NUAK1: variants seen among roughly 807,000 people sequenced by gnomAD.
NUAK1 encodes the protein NUAK family kinase 1, also known as NUAK family SNF1-like kinase 1.
NUAK1 carries 26 observed loss-of-function variants against 56.9 expected under a neutral mutation model. The ratio of observed to expected loss-of-function variants is 0.46; its 90% CI spans 0.33 to 0.63. The LOEUF (loss-of-function observed/expected upper bound fraction) is 0.63, where lower values mean the gene tolerates loss of function less well. Ranked by LOEUF, NUAK1 falls within the 30% of genes least tolerant of loss-of-function variation. The pLI is 0.02. For synonymous variants in NUAK1, 337 were observed against 336.0 expected (o/e 1.00, Z -0.03); for missense variants, 727 against 876.1 (o/e 0.83, Z 2.15).
chr12:106,088,823 C>G (rs2032602476), intron 2 of NUAK1, among the ~76,000 whole-genome samples: 1 of 152,228 alleles, frequency 6.6e-6, no homozygotes, highest in South Asian at 2.1e-4. Context: ...GGAACCTACC[C>G]TAGGCCTGGG....
At chr12:106,123,898 T>C (rs1215606) in intron 1 of NUAK1, among the ~76,000 whole-genome samples, 96,694 of 152,102 alleles carry the variant, frequency 0.64, 30,907 homozygotes, top group African/African-American at 0.67. Context: ...GAGATTTCTT[T>C]GCTTCAAGCG....
intron 6 of NUAK1, 104 bp downstream of exon 6, chr12:106,070,669 CA>C (rs538737163): frequency 1.0e-4 from 145 of 1,412,062 alleles, no homozygotes; most frequent in Non-Finnish European, 1.4e-4. Context: ...AGAGGAAAAC[CA>C]GGTGACTCCA....
chr12:106,081,980 C>A (rs1004935488), intron 4 of NUAK1, among the ~76,000 whole-genome samples: 1 of 152,206 alleles, frequency 6.6e-6, no homozygotes. Context: ...CACCACTCCC[C>A]AGGACCTAGG....
In NUAK1 at chr12:106,063,806, A is replaced by G. The variant is rs925248684; in HGVS notation, c.*2996T>C. 1.3e-5 allele frequency: 2 copies of G among 152,324 alleles called. No individual in the cohort carries two copies. The highest frequency in any genetic ancestry group is 4.8e-5 in the African/African-American group (2 of 41,336). 9.4% of individuals were successfully genotyped at this position (152,324 alleles called of 1,614,324 possible). ...AACAAGCAGTCAGTCGATCATTCAC[A>G]TTTGTACTCAAGACAGCAGGCCTGG... On this transcript the variant is annotated 3_prime_UTR_variant, in exon 7 of 7. Transcript: ENST00000261402.
At chr12:106,083,747 G>A (rs2032542634) in intron 4 of NUAK1, 117 bp downstream of exon 4, 4 of 814,202 alleles carry the variant, frequency 4.9e-6, no homozygotes, top group Non-Finnish European at 6.3e-6. Flanking sequence ...TTCCCCACCA[G>A]CCTGCCAGGT....
rs2032337814 is a variant in NUAK1, at chr12:106,066,283, A to C, written c.*519T>G. 6.2e-6 allele frequency: 1 copy of C among 161,032 alleles called. No homozygotes were observed. The highest frequency in any genetic ancestry group is 1.4e-5 in the Non-Finnish European group (1 of 72,708). 10.0% of individuals were successfully genotyped at this position (161,032 alleles called of 1,614,324 possible). Reference sequence around the variant, plus strand: ...CCCCATGATGTGGGCCACTTACGCCAGCACAACTGGCAGCCACTATTAATT... The same window carrying C: ...CCCCATGATGTGGGCCACTTACGCCCGCACAACTGGCAGCCACTATTAATT... On this transcript the variant is annotated 3_prime_UTR_variant, in exon 7 of 7. Coordinates refer to ENST00000261402, the MANE Select transcript of NUAK1 (RefSeq NM_014840.3).
intron 2 of NUAK1, among the ~76,000 whole-genome samples, chr12:106,104,630 C>A (rs1485917643): frequency 6.6e-6 from 1 of 152,132 alleles, no homozygotes; most frequent in African/African-American, 2.4e-5. Context: ...CTAGCCCAGG[C>A]ACTTTGAGAA....
chr12:106,132,115 C>A (rs1441417524), intron 1 of NUAK1, among the ~76,000 whole-genome samples: 3 of 152,208 alleles, frequency 2.0e-5, no homozygotes, highest in South Asian at 2.1e-4. Context: ...ACCTGACAAA[C>A]CCTGGATATA....
chr12:106,068,711 A>T (rs2032370936), intron 6 of NUAK1, among the ~76,000 whole-genome samples: 2 of 152,252 alleles, frequency 1.3e-5, no homozygotes, highest in African/African-American at 4.8e-5. Flanking sequence ...CCCTAAAGGG[A>T]TGCTGAGAAG....
chr12:106,124,859 T>A (rs2033010637), intron 1 of NUAK1, among the ~76,000 whole-genome samples: 1 of 151,990 alleles, frequency 6.6e-6, no homozygotes, highest in African/African-American at 2.4e-5. Context: ...CAGCTAGGCA[T>A]GGTGGTGCAC....
Position 106,138,530 on chromosome 12 carries a change from C to T in NUAK1, c.124G>A (p.Val42Met), listed in dbSNP as rs1192593863. 2.5e-6 allele frequency: 4 copies of T among 1,612,880 alleles called. No individual in the cohort carries two copies. Among genetic ancestry groups the T allele is most frequent in the Non-Finnish European group, 3.4e-6 (4 of 1,179,788 alleles). Residue 42 changes from valine (V) to methionine (M), a missense_variant, in exon 1 of 7, where the codon GTG (valine) becomes ATG (methionine). Val to Met is a conservative substitution (Grantham distance 21). Coordinates refer to ENST00000261402, the MANE Select transcript of NUAK1 (RefSeq NM_014840.3). The surrounding 1 kb of genome is among the most constrained non-coding windows in gnomAD (Gnocchi z 5.0). Reference sequence around the variant, plus strand: ...TTGTGCTTGTGGTGATGCCGCTTCACCCCGTGCGGCTTCCTGGGCTCCAGG... The same window carrying T: ...TTGTGCTTGTGGTGATGCCGCTTCATCCCGTGCGGCTTCCTGGGCTCCAGG... ...AALEPRKPHG[V>M]KRHHHKHNLK...
chr12:106,080,319 C>T (rs576814674), intron 4 of NUAK1, among the ~76,000 whole-genome samples: 2 of 152,208 alleles, frequency 1.3e-5, no homozygotes, highest in Non-Finnish European at 2.9e-5. Flanking sequence ...TGGAGGAGGT[C>T]GGCTGACCCT....
At chr12:106,096,957 T>C (rs1034365419) in intron 2 of NUAK1, among the ~76,000 whole-genome samples, 7 of 152,240 alleles carry the variant, frequency 4.6e-5, no homozygotes, top group African/African-American at 1.7e-4. Context: ...GAATCACTGA[T>C]AGGCAAGCTG....
chr12:106,092,843 C>T (rs964521896), intron 2 of NUAK1, among the ~76,000 whole-genome samples: 2 of 152,226 alleles, frequency 1.3e-5, no homozygotes, highest in Non-Finnish European at 2.9e-5. Flanking sequence ...TCTCCACCCC[C>T]TTCCTCCATC....
rs1043714146 is a variant in NUAK1 at position 106,063,415 on chromosome 12, G to A, written c.*3387C>T. ...AAAAACCAAAATGAAACAAAAATCA[G>A]TTTCCAACGAAAATACAAACACTTT... On this transcript the variant is annotated 3_prime_UTR_variant, in exon 7 of 7. Transcript: ENST00000261402. The A allele has an allele frequency of 2.0e-5, 3 of 152,450 alleles. No homozygotes were observed. Among genetic ancestry groups the A allele is most frequent in the African/African-American group, 7.2e-5 (3 of 41,410 alleles). The allele number at this position is 152,450 out of a possible 1,614,324, so 9.4% of individuals were successfully genotyped here. A position where few individuals can be genotyped will look rare whatever the true frequency, so the allele number is the denominator to read the frequency against.
At chr12:106,084,017 G>A in intron 3 of NUAK1, 88 bp from the exon 4 acceptor site, 3 of 1,114,238 alleles carry the variant, frequency 2.7e-6, no homozygotes, top group Middle Eastern at 2.0e-4. Context: ...TGAGCAAAGG[G>A]AAATGTCTGA....
chr12:106,094,398 T>G (rs1255653406), intron 2 of NUAK1, among the ~76,000 whole-genome samples: 1 of 152,262 alleles, frequency 6.6e-6, no homozygotes, highest in Non-Finnish European at 1.5e-5. Flanking sequence ...TTTGAAAGAC[T>G]GTCTGCAAAC....
intron 1 of NUAK1, among the ~76,000 whole-genome samples, chr12:106,130,004 C>T (rs550900734): frequency 4.6e-4 from 70 of 151,998 alleles, no homozygotes; most frequent in Non-Finnish European, 8.1e-4. Flanking sequence ...CTCTGTGAGA[C>T]GGAGTCTGCC....
At chr12:106,101,677 G>T (rs187821647) in intron 2 of NUAK1, among the ~76,000 whole-genome samples, 1 of 152,216 alleles carries the variant, frequency 6.6e-6, no homozygotes, top group Admixed American at 6.5e-5. Flanking sequence ...ATTTTCTTAC[G>T]ACAGCCCTAA....
Sources: allele counts gnomAD v4.1 joint callset (sites outside exome capture counted in the v4.1 genomes callset), GRCh38; gene constraint gnomAD v4.1.1; non-coding constraint Gnocchi (gnomAD v3.1); transcripts MANE v1.5; gene names NCBI Gene and HGNC (gene_info 2026-07-23, HGNC 2026-07-21).